Variants in RORA observed in about 807,000 individuals in gnomAD.
RORA encodes the protein RAR related orphan receptor A.
In RORA, 7 loss-of-function variants were observed where a neutral mutation model predicts 69.5. The ratio of observed to expected loss-of-function variants is 0.10; its 90% confidence interval spans 0.06 to 0.19. RORA has a LOEUF of 0.19. Among genes scored for constraint, RORA ranks in the 10% least tolerant of loss-of-function variants. RORA has a pLI of 1.00. For synonymous variants in RORA, 261 were observed against 240.8 expected (o/e 1.08, Z -0.78); for missense variants, 457 against 663.0 (o/e 0.69, Z 3.41).
chr15:60,949,452 G>T (rs1893013023), intron 1 of RORA, among the ~76,000 whole-genome samples: 1 of 152,154 alleles, frequency 6.6e-6, no homozygotes, highest in Non-Finnish European at 1.5e-5. Flanking sequence ...TCAGCGCCCA[G>T]TATCACTACA....
chr15:60,927,199 C>G (rs762363513), intron 1 of RORA, among the ~76,000 whole-genome samples: 1 of 152,130 alleles, frequency 6.6e-6, no homozygotes, highest in South Asian at 2.1e-4. Context: ...ACATGTGGAC[C>G]AGTTCCCTAC....
At chr15:61,100,358 G>T (rs2078861593) in intron 1 of RORA, among the ~76,000 whole-genome samples, 2 of 152,106 alleles carry the variant, frequency 1.3e-5, no homozygotes, top group South Asian at 4.1e-4. Context: ...GACCTCAGAT[G>T]ATCTACCCTC....
intron 2 of RORA, among the ~76,000 whole-genome samples, chr15:60,635,068 CT>C (rs1243521043): frequency 6.6e-6 from 1 of 152,228 alleles, no homozygotes; most frequent in Non-Finnish European, 1.5e-5. Context: ...CGGCCTGCCC[CT>C]CTGCTTCCCT....
intron 1 of RORA, among the ~76,000 whole-genome samples, chr15:61,220,631 C>G (rs1206159748): frequency 2.0e-5 from 3 of 152,164 alleles, no homozygotes; most frequent in Non-Finnish European, 4.4e-5. Flanking sequence ...TTGGAAGAGT[C>G]AATAAACACG....
intron 1 of RORA, among the ~76,000 whole-genome samples, chr15:60,781,517 T>C (rs1244293596): frequency 6.6e-6 from 1 of 152,144 alleles, no homozygotes; most frequent in Non-Finnish European, 1.5e-5. Context: ...GCAGCTGATC[T>C]GTAACTCCAA....
At chr15:60,602,592 G>A (rs958968316) in intron 2 of RORA, among the ~76,000 whole-genome samples, 33 of 152,268 alleles carry the variant, frequency 2.2e-4, no homozygotes, top group African/African-American at 7.7e-4. Flanking sequence ...AGAGATCGCT[G>A]CTCAGTTTGC....
chr15:60,562,974 C>A (rs201108297), intron 2 of RORA, among the ~76,000 whole-genome samples: 4 of 152,198 alleles, frequency 2.6e-5, no homozygotes, highest in African/African-American at 9.6e-5. Flanking sequence ...GCTGTTAATC[C>A]GAGTGTACAA....
At chr15:60,868,550 TG>T (rs1459472136) in intron 1 of RORA, among the ~76,000 whole-genome samples, 3 of 152,168 alleles carry the variant, frequency 2.0e-5, no homozygotes, top group Non-Finnish European at 4.4e-5. Context: ...CTTAGAGTCT[TG>T]GACCAACCCT....
chr15:61,137,325 T>C (rs773131677), intron 1 of RORA, among the ~76,000 whole-genome samples: 2 of 152,234 alleles, frequency 1.3e-5, no homozygotes, highest in Non-Finnish European at 2.9e-5. Flanking sequence ...ACAGCAGTTA[T>C]AGCTCTAACT....
At chr15:60,725,859 T>C (rs976401703) in intron 1 of RORA, among the ~76,000 whole-genome samples, 2 of 152,196 alleles carry the variant, frequency 1.3e-5, no homozygotes, top group Middle Eastern at 3.4e-3. Flanking sequence ...ACGAGTGAAG[T>C]GGAAGGGAGG....
chr15:60,511,394 C>T lies in RORA; in HGVS notation c.652G>A (p.Val218Ile), dbSNP rs140905032. 1.4e-5 allele frequency: 22 copies of T among 1,614,054 alleles called. No homozygotes were observed. The African/African-American group carries it at 1.5e-4, about 11-fold the overall frequency. Residue 218 changes from valine (V) to isoleucine (I), a missense_variant, in exon 5 of 11, where the codon GTC (valine) becomes ATC (isoleucine). Physicochemically the swap from Val to Ile is conservative, Grantham distance 29 (BLOSUM62 3). This residue lies in a region of RORA where 304 missense variants were observed against 447.4 expected (regional missense o/e 0.68). Transcript: ENST00000335670. The surrounding 1 kb of genome is among the most constrained non-coding windows in gnomAD (Gnocchi z 6.4). ...TPEGSKADSA[V>I]SSFYLDIQPS... The stretch of plus-strand genomic sequence containing the variant: ...TGTATGTCCAGGTAGAAGCTGCTGA[C>T]GGCGGAGTCTGCCTTACTCCCCTCA...
intron 1 of RORA, among the ~76,000 whole-genome samples, chr15:61,000,476 C>T (rs959557944): frequency 1.2e-4 from 19 of 152,132 alleles, no homozygotes; most frequent in African/African-American, 4.6e-4. Flanking sequence ...ACATCAGGAT[C>T]ACAGGTTCAA....
intron 2 of RORA, among the ~76,000 whole-genome samples, chr15:60,676,912 AT>A (rs1222981048): frequency 6.6e-6 from 1 of 152,206 alleles, no homozygotes; most frequent in Non-Finnish European, 1.5e-5. Context: ...TAACATCTAG[AT>A]TTCTGTCTAT....
intron 1 of RORA, among the ~76,000 whole-genome samples, chr15:60,968,310 C>T (rs374975750): frequency 1.3e-5 from 2 of 152,284 alleles, no homozygotes; most frequent in South Asian, 2.1e-4. Context: ...AGCCAATAGT[C>T]CTTAAACATA....
intron 1 of RORA, among the ~76,000 whole-genome samples, chr15:61,136,075 C>G (rs922866142): frequency 8.5e-5 from 13 of 152,080 alleles, no homozygotes; most frequent in South Asian, 2.1e-4. Context: ...AGGTATCGAC[C>G]CTGGTTTAAA....
intron 1 of RORA, among the ~76,000 whole-genome samples, chr15:61,178,103 C>T (rs565826246): frequency 7.0e-4 from 107 of 152,300 alleles, no homozygotes; most frequent in African/African-American, 2.4e-3. Context: ...CCAAGTGTTA[C>T]ACTGGAAAGT....
At chr15:61,180,294 T>A (rs2079671635) in intron 1 of RORA, among the ~76,000 whole-genome samples, 1 of 152,192 alleles carries the variant, frequency 6.6e-6, no homozygotes, top group Non-Finnish European at 1.5e-5. Context: ...GCTTCATTTA[T>A]CCATCCTATC....
intron 1 of RORA, among the ~76,000 whole-genome samples, chr15:61,157,077 A>G (rs945436916): frequency 6.6e-6 from 1 of 152,198 alleles, no homozygotes; most frequent in African/African-American, 2.4e-5. Flanking sequence ...CATGTAGTAA[A>G]TCTGAAACAG....
At chr15:61,205,655 C>T (rs975658774) in intron 1 of RORA, among the ~76,000 whole-genome samples, 7 of 152,144 alleles carry the variant, frequency 4.6e-5, no homozygotes, top group African/African-American at 1.4e-4. Context: ...AAGGAGCTGG[C>T]ACAGGAACAG....
Sources: allele counts gnomAD v4.1 joint callset (sites outside exome capture counted in the v4.1 genomes callset), GRCh38; gene constraint gnomAD v4.1.1; regional missense constraint gnomAD v4.1.1; non-coding constraint Gnocchi (gnomAD v3.1); transcripts MANE v1.5; gene names NCBI Gene and HGNC (gene_info 2026-07-23, HGNC 2026-07-21).